RAMP3: variants seen among roughly 807,000 people sequenced by gnomAD.
RAMP3 encodes receptor activity modifying protein 3.
RAMP3 carries 14 observed loss-of-function variants against 13.5 expected under a neutral mutation model. The observed-to-expected ratio is 1.04, with a 90% CI of 0.69 to 1.63. The LOEUF is 1.63. Ranked by LOEUF, RAMP3 falls within the 40% of genes most tolerant of loss-of-function variation. RAMP3 has a pLI of 0.00. For missense variants in RAMP3, 200 were observed against 204.8 expected (o/e 0.98, Z 0.14); for synonymous variants, 106 against 88.3 (o/e 1.20, Z -1.12).
Position 45,174,139 on chromosome 7 carries a change from C to T in RAMP3, c.59-3170C>T, listed in dbSNP as rs140779252. On this transcript the variant is annotated intron_variant, in intron 1 of 2. Transcript: ENST00000242249. ...AGTGAGCCAGGAGGGTCTTGGGTAC[C>T]GTGGGTGAAGACAGCAGGCCCGGCA... is the stretch of plus-strand genomic sequence containing the variant. Among the ~76,000 whole-genome samples, 404 of 152,164 alleles carry T rather than the reference C, an allele frequency of 2.7e-3. 1 individual carries two copies. The highest frequency in any genetic ancestry group is 9.3e-3 in the African/African-American group (387 of 41,518).
chr7:45,180,276 G>A (rs1786279677), intron 2 of RAMP3, among the ~76,000 whole-genome samples: 1 of 152,234 alleles, frequency 6.6e-6, no homozygotes, highest in South Asian at 2.1e-4. Context: ...GGCACTTGAT[G>A]CTTACCTGAC....
intron 1 of RAMP3, among the ~76,000 whole-genome samples, chr7:45,170,572 C>T (rs1786060346): frequency 6.6e-6 from 1 of 152,004 alleles, no homozygotes; most frequent in South Asian, 2.1e-4. Flanking sequence ...CTCCTGACCT[C>T]ATGATCTGCT....
chr7:45,160,335 A>C, intron 1 of RAMP3, among the ~76,000 whole-genome samples: 1 of 63,976 alleles, frequency 1.6e-5, no homozygotes, highest in African/African-American at 1.6e-4. Context: ...TGCCTCAAAA[A>C]AAAAAAAAAA....
chr7:45,176,334 C>A (rs1396083409), intron 1 of RAMP3, among the ~76,000 whole-genome samples: 1 of 151,996 alleles, frequency 6.6e-6, no homozygotes, highest in Non-Finnish European at 1.5e-5. Context: ...TACACACATG[C>A]TCATGTATGC....
At chr7:45,170,094 C>G (rs377595874) in intron 1 of RAMP3, among the ~76,000 whole-genome samples, 3 of 145,512 alleles carry the variant, frequency 2.1e-5, no homozygotes, top group African/African-American at 7.6e-5. Flanking sequence ...GAGTCTCTCT[C>G]TTTTCTTCCT....
At chr7:45,181,482 G>A (rs895756679) in intron 2 of RAMP3, among the ~76,000 whole-genome samples, 1 of 152,244 alleles carries the variant, frequency 6.6e-6, no homozygotes, top group African/African-American at 2.4e-5. Context: ...TCTCAGCCCT[G>A]GGGATGGTTG....
chr7:45,171,199 A>G (rs1450291699), intron 1 of RAMP3, among the ~76,000 whole-genome samples: 2 of 150,246 alleles, frequency 1.3e-5, no homozygotes, highest in African/African-American at 4.9e-5. Flanking sequence ...TCTGTTGCCC[A>G]GGCTGGAGTA....
At position 45,157,906 on chromosome 7, in the gene RAMP3, C is replaced by T; in HGVS notation, c.58+20C>T. Reference sequence around the variant, plus strand: ...TCTGCGGTAAGGGGGCGACGGCCCGCACCGGGGGCGCCCCCACTCCTCGGG... The same window carrying T: ...TCTGCGGTAAGGGGGCGACGGCCCGTACCGGGGGCGCCCCCACTCCTCGGG... On this transcript the variant is annotated intron_variant, in intron 1 of 2. Coordinates refer to ENST00000242249, the MANE Select transcript of RAMP3 (RefSeq NM_005856.3). The T allele has an allele frequency of 7.4e-7, 1 of 1,349,070 alleles. No individual in the cohort carries two copies. The highest frequency in any genetic ancestry group is 3.1e-5 in the East Asian group (1 of 32,270). 83.6% of individuals were successfully genotyped at this position (1,349,070 alleles called of 1,614,324 possible). A position where few individuals can be genotyped will look rare whatever the true frequency, so the allele number is the denominator to read the frequency against.
chr7:45,179,466 A>C (rs1321789307), intron 2 of RAMP3, among the ~76,000 whole-genome samples: 1 of 152,256 alleles, frequency 6.6e-6, no homozygotes, highest in Non-Finnish European at 1.5e-5. Context: ...CCATGCACCA[A>C]GAAGAAAACT....
chr7:45,172,710 G>T (rs967314736), intron 1 of RAMP3, among the ~76,000 whole-genome samples: 1 of 152,188 alleles, frequency 6.6e-6, no homozygotes, highest in African/African-American at 2.4e-5. Flanking sequence ...ATACTTAGTT[G>T]ATTTTTGATT....
At chr7:45,165,830 G>A (rs999231463) in intron 1 of RAMP3, among the ~76,000 whole-genome samples, 29 of 152,144 alleles carry the variant, frequency 1.9e-4, no homozygotes, top group African/African-American at 7.0e-4. Flanking sequence ...ACAGCAGAAT[G>A]TTTTTAAGGT....
intron 1 of RAMP3, 131 bp from the exon 2 acceptor site, chr7:45,177,178 G>A (rs1465899584): frequency 6.6e-6 from 8 of 1,216,064 alleles, no homozygotes; most frequent in African/African-American, 1.5e-5. Context: ...GAAGGACTCC[G>A]CTGGAACGGT....
At chr7:45,181,678 G>C (rs895650441) in intron 2 of RAMP3, among the ~76,000 whole-genome samples, 1 of 152,130 alleles carries the variant, frequency 6.6e-6, no homozygotes, top group African/African-American at 2.4e-5. Context: ...TGGACAGCAG[G>C]CTACTGAATC....
At chr7:45,181,888 A>G (rs1786322969) in intron 2 of RAMP3, among the ~76,000 whole-genome samples, 1 of 152,150 alleles carries the variant, frequency 6.6e-6, no homozygotes, top group Admixed American at 6.5e-5. Flanking sequence ...GGAAAGGCAC[A>G]GGTGTGTGTC....
Position 45,183,430 on chromosome 7 carries a change from A to T in RAMP3, c.*18A>T. 6.2e-7 allele frequency: 1 copy of T among 1,608,380 alleles called. No homozygotes were observed. The highest frequency in any genetic ancestry group is 8.5e-7 in the Non-Finnish European group (1 of 1,179,130). Reference sequence around the variant, plus strand: ...TGCTGTGAGGGTCCCGGTGAGATGGAGTGGGTCACACCTGGCAAGCTGGAA... The same window carrying T: ...TGCTGTGAGGGTCCCGGTGAGATGGTGTGGGTCACACCTGGCAAGCTGGAA... On this transcript the variant is annotated 3_prime_UTR_variant, in exon 3 of 3. Transcript: ENST00000242249.
intron 1 of RAMP3, among the ~76,000 whole-genome samples, chr7:45,169,752 A>G (rs2128656603): frequency 6.6e-6 from 1 of 152,314 alleles, no homozygotes; most frequent in Middle Eastern, 3.4e-3. Flanking sequence ...CTCTGTGTTC[A>G]TATTTCTCCT....
intron 2 of RAMP3, among the ~76,000 whole-genome samples, chr7:45,181,438 CA>C (rs752547692): frequency 1.2e-4 from 18 of 152,332 alleles, no homozygotes; most frequent in Non-Finnish European, 2.5e-4. Context: ...ACTCGCTGTC[CA>C]CAGAGGGTCT....
chr7:45,162,704 G>C (rs188948215), intron 1 of RAMP3, among the ~76,000 whole-genome samples: 4 of 152,310 alleles, frequency 2.6e-5, no homozygotes, highest in African/African-American at 4.8e-5. Flanking sequence ...AGTACTGAGG[G>C]GGGTGGAGAG....
At chr7:45,170,877 A>T (rs1349112509) in intron 1 of RAMP3, among the ~76,000 whole-genome samples, 1 of 151,714 alleles carries the variant, frequency 6.6e-6, no homozygotes, top group Non-Finnish European at 1.5e-5. Context: ...AGGAACTCCC[A>T]GCAACAAGCC....
Sources: gnomAD v4.1 joint callset for allele counts (sites outside exome capture counted in the v4.1 genomes callset) on GRCh38, gnomAD v4.1.1 for gene constraint, MANE v1.5 for transcripts, NCBI Gene and HGNC (gene_info 2026-07-23, HGNC 2026-07-21) for gene names.